Variants in GATA6 observed in about 807,000 individuals in gnomAD.
GATA6 encodes the protein GATA binding protein 6, also known as transcription factor GATA-6.
Under a neutral mutation model 48.1 loss-of-function variants are expected in GATA6, and 11 were observed. The ratio of observed to expected loss-of-function variants is 0.23; its 90% CI spans 0.14 to 0.38. The LOEUF (loss-of-function observed/expected upper bound fraction) is 0.38, where lower values mean the gene tolerates loss of function less well. Ranked by LOEUF, GATA6 falls within the 10% of genes least tolerant of loss-of-function variation. The pLI is 1.00. For missense variants in GATA6, 795 were observed against 850.3 expected (o/e 0.93, Z 0.81); for synonymous variants, 419 against 396.1 (o/e 1.06, Z -0.69).
rs182464900 is a variant in GATA6 at position 22,197,199 on chromosome 18, G to A, written c.1621-3457G>A. ...TCTGAGTAGCTGGGATTACAAGCATGCTCCACCTTGCTCGGCTAATTTTTT... is the reference window on the plus strand; with the variant it reads ...TCTGAGTAGCTGGGATTACAAGCATACTCCACCTTGCTCGGCTAATTTTTT... On this transcript the variant is annotated intron_variant, in intron 6 of 6. Transcript: ENST00000269216. Among the ~76,000 whole-genome samples the A allele has an allele frequency of 1.2e-4, 18 of 150,614 alleles. No individual in the cohort carries two copies. In the East Asian group the frequency reaches 3.6e-3, roughly 30 times the overall value.
rs1024528816 is a variant in GATA6 at position 22,171,894 on chromosome 18, C to T, written c.750C>T (p.Gly250=). The part of the protein sequence containing the change: ...GAAGGGAAGP[G]GAGSAAAHVS... ...CTGGCGGCGGGGCCGCGGGGCCTGGCGGCGCTGGCTCAGCCGCGGCGCACG... is the reference window on the plus strand; with the variant it reads ...CTGGCGGCGGGGCCGCGGGGCCTGGTGGCGCTGGCTCAGCCGCGGCGCACG... The change falls in exon 2 of 7, where the codon GGC becomes GGT. Residue 250 remains glycine, a synonymous_variant. Transcript: ENST00000269216. The surrounding 1 kb of genome is among the most constrained non-coding windows in gnomAD (Gnocchi z 7.1). 7.5e-4 allele frequency: 869 copies of T among 1,154,208 alleles called. No homozygotes were observed. Among genetic ancestry groups the T allele is most frequent in the Non-Finnish European group, 8.7e-4 (821 of 939,122 alleles). The allele number at this position is 1,154,208 out of a possible 1,614,324, so 71.5% of individuals were successfully genotyped here. A position where few individuals can be genotyped will look rare whatever the true frequency, so the allele number is the denominator to read the frequency against.
At chr18:22,182,280 A>G (rs2033206915) in intron 4 of GATA6, among the ~76,000 whole-genome samples, 1 of 152,178 alleles carries the variant, frequency 6.6e-6, no homozygotes, top group African/African-American at 2.4e-5. Flanking sequence ...TTTGATGAGG[A>G]AAGTGTAGTC....
chr18:22,171,116 C>G lies in GATA6; in HGVS notation c.-29C>G. On this transcript the variant is annotated 5_prime_UTR_variant, in exon 2 of 7. Transcript: ENST00000269216. The surrounding 1 kb of genome is among the most constrained non-coding windows in gnomAD (Gnocchi z 7.1). ...CCCCCACCCCACCTCAGGAGCTAGA[C>G]GTCAGCTTGGAGCGGCGCCGGACCG... is the stretch of plus-strand genomic sequence containing the variant. The G allele has an allele frequency of 2.5e-6, 4 of 1,591,458 alleles. No individual in the cohort carries two copies. The highest frequency in any genetic ancestry group is 2.7e-5 in the African/African-American group (2 of 74,874).
intron 3 of GATA6, among the ~76,000 whole-genome samples, chr18:22,180,924 G>C (rs780466855): frequency 6.6e-6 from 1 of 152,034 alleles, no homozygotes; most frequent in African/African-American, 2.4e-5. Flanking sequence ...TATAGTGCAC[G>C]GCCAATTGCT....
Position 22,183,038 on chromosome 18 carries a change from T to A in GATA6, c.1615T>A (p.Ser539Thr). The change falls in exon 6 of 7, where the codon TCA becomes ACA. Residue 539 changes from serine (S) to threonine (T), a missense_variant. Physicochemically the swap from Ser to Thr is moderately conservative, Grantham distance 58 (BLOSUM62 1). Transcript: ENST00000269216. ...TTCCCCCACAACACAACCTACAGCC[T>A]CAGGGGTAAGTATTAAAACAGCATA... ...NTSPTTQPTA[S>T]GAGAPVMTGA... The A allele has an allele frequency of 6.2e-7, 1 of 1,610,444 alleles. No homozygotes were observed. Among genetic ancestry groups the A allele is most frequent in the Non-Finnish European group, 8.5e-7 (1 of 1,176,654 alleles).
Position 22,172,392 on chromosome 18 carries a change from C to G in GATA6, c.1135+113C>G. 1 of 1,452,094 alleles carries G rather than the reference C, an allele frequency of 6.9e-7. No homozygotes were observed. Among genetic ancestry groups the G allele is most frequent in the African/African-American group, 1.4e-5 (1 of 70,206 alleles). The allele number at this position is 1,452,094 out of a possible 1,614,324, so 90.0% of individuals were successfully genotyped here. On this transcript the variant is annotated intron_variant, in intron 2 of 6. Transcript: ENST00000269216. This position sits in a 1 kb window ranked among gnomAD's most constrained non-coding sequence, Gnocchi z 5.2. ...TTTTCAGGACTTTCTCGTCCGGGTG[C>G]GCGGAGGTCGGCCTGGTCCCAGGAA...
At chr18:22,189,736 A>G (rs1200073621) in intron 6 of GATA6, among the ~76,000 whole-genome samples, 1 of 152,092 alleles carries the variant, frequency 6.6e-6, no homozygotes, top group Non-Finnish European at 1.5e-5. Flanking sequence ...TTGGTCTTCG[A>G]TTTTCTCATA....
chr18:22,177,168 C>G (rs962205757), intron 3 of GATA6, 47 bp downstream of exon 3: 3 of 1,508,930 alleles, frequency 2.0e-6, no homozygotes, highest in Non-Finnish European at 2.7e-6. Flanking sequence ...GCCCCGGGCT[C>G]TCCTGGCCCG....
chr18:22,170,427 G>C lies in GATA6; in HGVS notation c.-37-681G>C, dbSNP rs1206213334. ...CCCACAAGCTCTCCGCATTGCCTCT[G>C]CTGGGAAGGACCCAGACTGCTGCCC... On this transcript the variant is annotated intron_variant, in intron 1 of 6. Transcript: ENST00000269216. The surrounding 1 kb of genome is among the most constrained non-coding windows in gnomAD (Gnocchi z 6.7). Among the ~76,000 whole-genome samples, 1 of 152,208 alleles carries C rather than the reference G, an allele frequency of 6.6e-6. No homozygotes were observed. Among genetic ancestry groups the C allele is most frequent in the Admixed American group, 6.5e-5 (1 of 15,278 alleles).
Position 22,200,698 on chromosome 18 carries a change from C to G in GATA6, c.1663C>G (p.Pro555Ala), listed in dbSNP as rs146243018. The change falls in exon 7 of 7, where the codon CCC becomes GCC. Residue 555 changes from proline (P) to alanine (A), a missense_variant. Coordinates refer to ENST00000269216, the MANE Select transcript of GATA6 (RefSeq NM_005257.6). ...VMTGAGESTN[P>A]ENSELKYSGQ... is the part of the protein sequence containing the mutation. ...GACTGGTGCGGGAGAGAGCACCAAT[C>G]CCGAGAACAGCGAGCTCAAGTATTC... The G allele has an allele frequency of 2.2e-4, 362 of 1,614,226 alleles. No individual in the cohort carries two copies. The highest frequency in any genetic ancestry group is 1.1e-3 in the Admixed American group (64 of 60,028).
At chr18:22,180,498 G>A (rs2033179078) in intron 3 of GATA6, among the ~76,000 whole-genome samples, 1 of 152,024 alleles carries the variant, frequency 6.6e-6, no homozygotes, top group East Asian at 1.9e-4. Flanking sequence ...TTGCATGAAC[G>A]AAAGTTGAGA....
intron 6 of GATA6, among the ~76,000 whole-genome samples, chr18:22,187,613 A>T (rs1340592625): frequency 6.6e-6 from 1 of 151,910 alleles, no homozygotes; most frequent in African/African-American, 2.4e-5. Context: ...GTTATTTAGG[A>T]GAGAAACATG....
chr18:22,171,199 G>A lies in GATA6; in HGVS notation c.55G>A (p.Ala19Thr). The A allele has an allele frequency of 6.3e-7, 1 of 1,599,620 alleles. No homozygotes were observed. The highest frequency in any genetic ancestry group is 8.5e-7 in the Non-Finnish European group (1 of 1,179,434). ...GCCGAAGCGCTTCGGGGCCGCGGGT[G>A]CGGACGCCAGCGACTCCAGAGCCTT... ...CLPKRFGAAG[A>T]DASDSRAFPA... is the part of the protein sequence containing the mutation. The change falls in exon 2 of 7, where the codon GCG becomes ACG. Residue 19 changes from alanine to threonine, a missense_variant. Physicochemically the swap from Ala to Thr is moderately conservative, Grantham distance 58. This residue lies in a region of GATA6 where 591 missense variants were observed against 570.0 expected (regional missense o/e 1.04). Coordinates refer to ENST00000269216, the MANE Select transcript of GATA6 (RefSeq NM_005257.6). This position sits in a 1 kb window ranked among gnomAD's most constrained non-coding sequence, Gnocchi z 7.1.
intron 3 of GATA6, among the ~76,000 whole-genome samples, chr18:22,179,081 T>A (rs2033162738): frequency 6.6e-6 from 1 of 152,128 alleles, no homozygotes; most frequent in Non-Finnish European, 1.5e-5. Flanking sequence ...AAAAGAACAG[T>A]TTTTAGCATT....
At chr18:22,173,988 CCT>C (rs1194324927) in intron 2 of GATA6, among the ~76,000 whole-genome samples, 1 of 152,164 alleles carries the variant, frequency 6.6e-6, no homozygotes, top group African/African-American at 2.4e-5. Flanking sequence ...CCATTTTTCC[CCT>C]GTGTGTGGAA....
chr18:22,170,820 G>A lies in GATA6; in HGVS notation c.-37-288G>A, dbSNP rs1016231288. On this transcript the variant is annotated intron_variant, in intron 1 of 6. Coordinates refer to ENST00000269216, the MANE Select transcript of GATA6 (RefSeq NM_005257.6). The surrounding 1 kb of genome is among the most constrained non-coding windows in gnomAD (Gnocchi z 6.7). ...GCGCGCACGGAGAAAGGATGCGGCC[G>A]AGGGGGTGGGCGGGGAGGACGCGGG... The A allele has an allele frequency of 2.2e-6, 1 of 457,032 alleles. No homozygotes were observed. Among genetic ancestry groups the A allele is most frequent in the Non-Finnish European group, 3.9e-6 (1 of 253,564 alleles). 28.3% of individuals were successfully genotyped at this position (457,032 alleles called of 1,614,324 possible).
chr18:22,192,373 G>A (rs28678063), intron 6 of GATA6, among the ~76,000 whole-genome samples: 4,539 of 152,248 alleles, frequency 0.03, 254 homozygotes, highest in African/African-American at 0.1. Context: ...CTTTATTTGC[G>A]TGGCATTTTT....
Position 22,183,017 on chromosome 18 carries a change from C to T in GATA6, c.1594C>T (p.Pro532Ser). The T allele has an allele frequency of 3.7e-6, 6 of 1,613,730 alleles. No individual in the cohort carries two copies. The highest frequency in any genetic ancestry group is 5.1e-6 in the Non-Finnish European group (6 of 1,179,672). The change falls in exon 6 of 7, where the codon CCC (proline) becomes TCC (serine). Residue 532 changes from proline (P) to serine (S), a missense_variant. By Grantham distance (74) the Pro-to-Ser change is moderately conservative. Transcript: ENST00000269216. ...AGATGATTGCAGCAAAAATACTTCC[C>T]CCACAACACAACCTACAGCCTCAGG... ...NSDDCSKNTS[P>S]TTQPTASGAG...
intron 3 of GATA6, 28 bp from the exon 4 acceptor site, chr18:22,181,425 T>C: frequency 6.2e-7 from 1 of 1,613,486 alleles, no homozygotes. Context: ...CTTATATTTT[T>C]CCACTTATGT....
Sources: gnomAD v4.1 joint callset for allele counts (sites outside exome capture counted in the v4.1 genomes callset) on GRCh38, gnomAD v4.1.1 for gene constraint, gnomAD v4.1.1 regional missense constraint, Gnocchi (gnomAD v3.1) non-coding constraint, MANE v1.5 for transcripts, NCBI Gene and HGNC (gene_info 2026-07-23, HGNC 2026-07-21) for gene names.